The following PUS10 variants were observed in gnomAD, a reference collection of about 807,000 sequenced individuals.
PUS10 encodes tRNA pseudouridine synthase Pus10.
Under a neutral mutation model 75.0 loss-of-function variants are expected in PUS10, and 59 were observed. The observed-to-expected ratio is 0.79, with a 90% confidence interval of 0.64 to 0.98. PUS10 has a LOEUF of 0.98. Ranked by LOEUF, PUS10 falls within the 50% of genes least tolerant of loss-of-function variation. The pLI, the probability that PUS10 is intolerant of heterozygous loss-of-function variation, is 0.00. For missense variants in PUS10, 650 were observed against 614.4 expected (o/e 1.06, Z -0.61); for synonymous variants, 219 against 211.6 (o/e 1.03, Z -0.30).
At chr2:60,985,698 G>A (rs771714109) in intron 4 of PUS10, among the ~76,000 whole-genome samples, 27 of 151,962 alleles carry the variant, frequency 1.8e-4, no homozygotes, top group South Asian at 8.3e-4. Context: ...ATGGGGTTTC[G>A]CCATGTTGGC....
At chr2:60,993,852 C>T (rs761444070) in intron 4 of PUS10, among the ~76,000 whole-genome samples, 6 of 151,972 alleles carry the variant, frequency 3.9e-5, no homozygotes, top group Admixed American at 2.0e-4. Flanking sequence ...TGCAGTGGCG[C>T]GATCTCGGCT....
chr2:60,960,101 G>A (rs1675922775), intron 11 of PUS10, among the ~76,000 whole-genome samples: 1 of 145,364 alleles, frequency 6.9e-6, no homozygotes, highest in Non-Finnish European at 1.5e-5. Flanking sequence ...AGGGTTGCTT[G>A]AGCCTGGGAG....
At chr2:60,957,012 A>T (rs1220444642) in intron 11 of PUS10, among the ~76,000 whole-genome samples, 1 of 151,440 alleles carries the variant, frequency 6.6e-6, no homozygotes, top group African/African-American at 2.4e-5. Flanking sequence ...AAAGAAAAAA[A>T]AAGAAAAATG....
At position 61,018,044 on chromosome 2, in the gene PUS10, C is replaced by A; in HGVS notation, c.-52G>T. 2 of 1,452,522 alleles carry A rather than the reference C, an allele frequency of 1.4e-6. No individual in the cohort carries two copies. The highest frequency in any genetic ancestry group is 1.9e-4 in the Middle Eastern group (1 of 5,232). 90.0% of individuals were successfully genotyped at this position (1,452,522 alleles called of 1,614,324 possible). A position where few individuals can be genotyped will look rare whatever the true frequency, so the allele number is the denominator to read the frequency against. On this transcript the variant is annotated 5_prime_UTR_variant, in exon 1 of 18. Transcript: ENST00000316752. ...TTAGTGTCTCACAGCTGTTTCTGAC[C>A]CGGCAGCTCTAATCAGCAACGTTTT... is the stretch of plus-strand genomic sequence containing the variant.
At chr2:60,942,967 G>T (rs370504694) in intron 17 of PUS10, among the ~76,000 whole-genome samples, 2 of 150,052 alleles carry the variant, frequency 1.3e-5, no homozygotes, top group Non-Finnish European at 3.0e-5. Flanking sequence ...GGAGGCAGAG[G>T]TTGCAGTGAG....
intron 4 of PUS10, among the ~76,000 whole-genome samples, chr2:60,981,084 G>T (rs746054901): frequency 6.6e-6 from 1 of 151,890 alleles, no homozygotes; most frequent in African/African-American, 2.4e-5. Context: ...GTAGAGATGG[G>T]GTTTCGCCAT....
chr2:60,960,856 A>C (rs543843090), intron 10 of PUS10, among the ~76,000 whole-genome samples: 9 of 151,666 alleles, frequency 5.9e-5, no homozygotes, highest in East Asian at 1.9e-4. Flanking sequence ...AAAAAAAAAA[A>C]AAAAAACGCA....
intron 4 of PUS10, among the ~76,000 whole-genome samples, chr2:60,985,754 C>A (rs1281011194): frequency 1.3e-5 from 2 of 152,112 alleles, no homozygotes; most frequent in African/African-American, 4.8e-5. Context: ...ACCCATCTAG[C>A]TTCCTAAAGT....
chr2:60,993,174 A>G (rs1678221500), intron 4 of PUS10, among the ~76,000 whole-genome samples: 1 of 152,126 alleles, frequency 6.6e-6, no homozygotes, highest in South Asian at 2.1e-4. Context: ...GAAAGTGTCC[A>G]GGCCAGGCGC....
intron 4 of PUS10, among the ~76,000 whole-genome samples, chr2:60,997,478 C>T (rs968787156): frequency 1.3e-5 from 2 of 151,988 alleles, no homozygotes; most frequent in Non-Finnish European, 2.9e-5. Flanking sequence ...GGCCGGGTGG[C>T]AGGCACCTGT....
At chr2:60,982,184 C>T (rs905027247) in intron 4 of PUS10, among the ~76,000 whole-genome samples, 1 of 152,046 alleles carries the variant, frequency 6.6e-6, no homozygotes, top group Non-Finnish European at 1.5e-5. Flanking sequence ...AGCAGGAACT[C>T]CGTATACTTA....
At chr2:61,012,364 G>A (rs1679657920) in intron 1 of PUS10, among the ~76,000 whole-genome samples, 2 of 151,958 alleles carry the variant, frequency 1.3e-5, no homozygotes, top group Non-Finnish European at 2.9e-5. Flanking sequence ...CAAAATGAAG[G>A]CCTCAGCAGC....
In PUS10 at chr2:60,940,594, T is replaced by C. The variant is rs1489624509; in HGVS notation, c.*1801A>G. 6.6e-6 allele frequency: 1 copy of C among 152,324 alleles called. No individual in the cohort carries two copies. Among genetic ancestry groups the C allele is most frequent in the East Asian group, 1.9e-4 (1 of 5,336 alleles). The allele number at this position is 152,324 out of a possible 1,614,324, so 9.4% of individuals were successfully genotyped here. ...CTTACTCTTTGCGTGAAATTTTATA[T>C]AATCTCAGGAATAGAAATTTAAGAA... On this transcript the variant is annotated 3_prime_UTR_variant, in exon 18 of 18. Transcript: ENST00000316752.
rs1256949945 is a variant in PUS10 at position 60,948,131 on chromosome 2, C to G, written c.1363G>C (p.Ala455Pro). 1.2e-6 allele frequency: 2 copies of G among 1,614,144 alleles called. No homozygotes were observed. The highest frequency in any genetic ancestry group is 4.5e-5 in the East Asian group (2 of 44,872). Residue 455 changes from alanine (A) to proline (P), a missense_variant, in exon 16 of 18, where the codon GCT becomes CCT. Transcript: ENST00000316752. ...PLRVLHRRPL[A>P]VRARVIHFME... ...AAGTGAATGACGCGAGCTCGCACAG[C>G]CAGGGGCCTTCGGTGAAGGACGCGC...
intron 5 of PUS10, 73 bp downstream of exon 5, chr2:60,971,450 T>A (rs375108916): frequency 2.9e-5 from 37 of 1,288,782 alleles, no homozygotes; most frequent in East Asian, 2.1e-4. Context: ...GAGATTGTAG[T>A]AGTAAAAGTG....
At chr2:60,958,372 T>C (rs1675811587) in intron 11 of PUS10, among the ~76,000 whole-genome samples, 2 of 152,140 alleles carry the variant, frequency 1.3e-5, no homozygotes, top group African/African-American at 4.8e-5. Context: ...TTCCATTCAG[T>C]AAACAATTCT....
In PUS10 at chr2:61,009,013, C is replaced by T; in HGVS notation, c.129G>A (p.Glu43=). 1 of 1,608,908 alleles carries T rather than the reference C, an allele frequency of 6.2e-7. No homozygotes were observed. Among genetic ancestry groups the T allele is most frequent in the African/African-American group, 1.3e-5 (1 of 74,632 alleles). Residue 43 remains glutamate (E), a splice_region_variant and synonymous_variant, in exon 3 of 18, where the codon GAG becomes GAA. Transcript: ENST00000316752. Reference sequence around the variant, plus strand: ...GAAATTTCTGTAGTTCATTGAGCAACTCCTGGAAAGTTAATGAAAGAAAAA... The same window carrying T: ...GAAATTTCTGTAGTTCATTGAGCAATTCCTGGAAAGTTAATGAAAGAAAAA... ...FHAPYKLPYK[E]LLNELQKFLE...
intron 1 of PUS10, among the ~76,000 whole-genome samples, chr2:61,014,103 G>C (rs1197520368): frequency 6.6e-6 from 1 of 152,136 alleles, no homozygotes; most frequent in Admixed American, 6.5e-5. Flanking sequence ...GTCAGGCGCA[G>C]TGGCTCACAC....
rs1161178554 is a variant in PUS10, at chr2:60,942,283, A to T, written c.*112T>A. 1.7e-5 allele frequency: 14 copies of T among 830,082 alleles called. No individual in the cohort carries two copies. Among genetic ancestry groups the T allele is most frequent in the Admixed American group, 1.8e-5 (1 of 55,208 alleles). 51.4% of individuals were successfully genotyped at this position (830,082 alleles called of 1,614,324 possible). A position where few individuals can be genotyped will look rare whatever the true frequency, so the allele number is the denominator to read the frequency against. On this transcript the variant is annotated 3_prime_UTR_variant, in exon 18 of 18. Transcript: ENST00000316752. ...CAATTATATAGATCAACATGATCCA[A>T]ATAGTTTTCAAGACACCGTTATGGT...
Sources: allele counts gnomAD v4.1 joint callset (sites outside exome capture counted in the v4.1 genomes callset), GRCh38; gene constraint gnomAD v4.1.1; transcripts MANE v1.5; gene names NCBI Gene and HGNC (gene_info 2026-07-23, HGNC 2026-07-21).